The following COL11A1 variants were observed in gnomAD, a reference collection of about 807,000 sequenced individuals.
The protein encoded by COL11A1 is collagen alpha-1(XI) chain.
Under a neutral mutation model 265.2 loss-of-function variants are expected in COL11A1, and 74 were observed. The observed-to-expected ratio is 0.28, with a 90% CI of 0.23 to 0.34. The LOEUF (loss-of-function observed/expected upper bound fraction) is 0.34, where lower values mean the gene tolerates loss of function less well. Among genes scored for constraint, COL11A1 ranks in the 10% least tolerant of loss-of-function variants. The pLI, the probability that COL11A1 is intolerant of heterozygous loss-of-function variation, is 1.00. For synonymous variants in COL11A1, 816 were observed against 727.6 expected, an observed-to-expected ratio of 1.12 and a Z score of -1.96; for missense variants, 2,165 against 2,263.6, an observed-to-expected ratio of 0.96 and a Z score of 0.88.
chr1:102,923,395 A>C lies in COL11A1; in HGVS notation c.3601-6T>G. The C allele has an allele frequency of 1.3e-6, 2 of 1,586,348 alleles. No homozygotes were observed. The highest frequency in any genetic ancestry group is 1.1e-5 in the South Asian group (1 of 87,250). ...CCAGGTGGGCCTGGCAGACCCTAAG[A>C]AAATATAATAGAAAAATAATAAAAG... On this transcript the variant is annotated splice_region_variant and splice_polypyrimidine_tract_variant and intron_variant, in intron 46 of 66. Coordinates refer to ENST00000370096, the MANE Select transcript of COL11A1 (RefSeq NM_001854.4).
intron 4 of COL11A1, among the ~76,000 whole-genome samples, chr1:103,052,381 G>C (rs1290094699): frequency 6.6e-6 from 1 of 152,016 alleles, no homozygotes; most frequent in East Asian, 1.9e-4. Flanking sequence ...ACTAACCCAG[G>C]TCTCCTCCCA....
intron 7 of COL11A1, among the ~76,000 whole-genome samples, chr1:103,024,656 A>T (rs1251997047): frequency 6.6e-6 from 1 of 151,034 alleles, no homozygotes; most frequent in African/African-American, 2.4e-5. Context: ...TTGAATCAAA[A>T]TACTCATTTT....
chr1:103,070,209 A>AAATAAT (rs140020554), intron 4 of COL11A1, among the ~76,000 whole-genome samples: 9,892 of 143,322 alleles, frequency 0.069, 396 homozygotes, highest in Middle Eastern at 0.12. Context: ...CTACTCAGCA[A>AAATAAT]AATAATAATA....
At chr1:102,974,315 C>T (rs1259698124) in intron 36 of COL11A1, among the ~76,000 whole-genome samples, 2 of 152,086 alleles carry the variant, frequency 1.3e-5, no homozygotes, top group East Asian at 3.8e-4. Flanking sequence ...AAACACATTT[C>T]ATAAAAGGGT....
chr1:103,044,502 A>G (rs1669092291), intron 4 of COL11A1, among the ~76,000 whole-genome samples: 1 of 152,122 alleles, frequency 6.6e-6, no homozygotes, highest in Non-Finnish European at 1.5e-5. Flanking sequence ...GTTGGATAAA[A>G]CACTATGAAA....
intron 5 of COL11A1, among the ~76,000 whole-genome samples, chr1:103,027,752 G>C (rs1667657793): frequency 6.6e-6 from 1 of 151,862 alleles, no homozygotes; most frequent in South Asian, 2.1e-4. Flanking sequence ...ATAAGTAAAT[G>C]CATAAAGGGC....
chr1:102,990,976 C>T (rs985688480), intron 28 of COL11A1, among the ~76,000 whole-genome samples: 17 of 151,810 alleles, frequency 1.1e-4, no homozygotes, highest in Admixed American at 3.9e-4. Flanking sequence ...GAGGTTGCAG[C>T]GAACCAAGAT....
chr1:102,885,384 A>G (rs2100831712), intron 63 of COL11A1, among the ~76,000 whole-genome samples: 1 of 152,140 alleles, frequency 6.6e-6, no homozygotes, highest in Middle Eastern at 3.4e-3. Context: ...AAATATTTGA[A>G]TTATATAAGT....
At chr1:102,977,192 A>C (rs1236100057) in intron 35 of COL11A1, among the ~76,000 whole-genome samples, 1 of 152,166 alleles carries the variant, frequency 6.6e-6, no homozygotes, top group African/African-American at 2.4e-5. Flanking sequence ...CCATTTTTCA[A>C]CTGTGTGCTC....
intron 4 of COL11A1, among the ~76,000 whole-genome samples, chr1:103,049,622 G>A (rs1387248504): frequency 2.6e-5 from 4 of 152,142 alleles, no homozygotes; most frequent in Non-Finnish European, 5.9e-5. Flanking sequence ...ATCGTTATGT[G>A]TTAATTTGAT....
intron 41 of COL11A1, among the ~76,000 whole-genome samples, chr1:102,951,146 A>G (rs1336107802): frequency 6.6e-6 from 1 of 152,100 alleles, no homozygotes; most frequent in Non-Finnish European, 1.5e-5. Context: ...CATCTTACCA[A>G]AAAATTGTAT....
At chr1:102,977,647 C>T (rs941380043) in intron 35 of COL11A1, among the ~76,000 whole-genome samples, 2 of 152,038 alleles carry the variant, frequency 1.3e-5, no homozygotes, top group Non-Finnish European at 2.9e-5. Context: ...AATTATTTAG[C>T]CTTTTTAATT....
chr1:102,888,173 T>A (rs1651247691), intron 62 of COL11A1, among the ~76,000 whole-genome samples: 1 of 152,170 alleles, frequency 6.6e-6, no homozygotes. Context: ...ATTAATAAAG[T>A]GGTAGCTATT....
At chr1:103,056,929 T>G (rs1670296476) in intron 4 of COL11A1, among the ~76,000 whole-genome samples, 1 of 152,158 alleles carries the variant, frequency 6.6e-6, no homozygotes, top group Non-Finnish European at 1.5e-5. Flanking sequence ...CAAACTGTAA[T>G]ATTTTTGCTG....
rs557000127 is a variant in COL11A1 at position 103,078,663 on chromosome 1, G to T, written c.483C>A (p.Asp161Glu). 1 of 1,612,702 alleles carries T rather than the reference G, an allele frequency of 6.2e-7. No individual in the cohort carries two copies. The highest frequency in any genetic ancestry group is 1.7e-5 in the Admixed American group (1 of 59,848). ...YPLFRTVNIA[D>E]GKWHRVAISV... Reference sequence around the variant, plus strand: ...TGTATTATTTTGTTACTTACTTCCCGTCAGCGATGTTAACAGTTCTGAAGA... The same window carrying T: ...TGTATTATTTTGTTACTTACTTCCCTTCAGCGATGTTAACAGTTCTGAAGA... Residue 161 changes from aspartate to glutamate, a missense_variant, in exon 3 of 67, where the codon GAC becomes GAA. Physicochemically the swap from Asp to Glu is conservative, Grantham distance 45. Coordinates refer to ENST00000370096, the MANE Select transcript of COL11A1 (RefSeq NM_001854.4).
chr1:102,917,180 A>G (rs1385353393), intron 49 of COL11A1, among the ~76,000 whole-genome samples: 1 of 151,942 alleles, frequency 6.6e-6, no homozygotes, highest in Non-Finnish European at 1.5e-5. Context: ...TGTAGTAACT[A>G]AAAAAGCATA....
intron 4 of COL11A1, among the ~76,000 whole-genome samples, chr1:103,044,371 T>C (rs1669081331): frequency 6.6e-6 from 1 of 152,052 alleles, no homozygotes; most frequent in Non-Finnish European, 1.5e-5. Context: ...GCCCTTGTAT[T>C]GCGCAGAATC....
chr1:103,002,381 C>T, intron 23 of COL11A1, 47 bp downstream of exon 23: 2 of 1,458,510 alleles, frequency 1.4e-6, no homozygotes, highest in East Asian at 2.3e-5. Context: ...AGAAAGATAG[C>T]ATCTTCCCCC....
At chr1:103,014,974 T>A (rs1182559732) in intron 12 of COL11A1, among the ~76,000 whole-genome samples, 4 of 152,122 alleles carry the variant, frequency 2.6e-5, no homozygotes, top group Non-Finnish European at 5.9e-5. Flanking sequence ...GCTCAATCTC[T>A]ATTTTGTTTG....
Sources: allele counts gnomAD v4.1 joint callset (sites outside exome capture counted in the v4.1 genomes callset), GRCh38; gene constraint gnomAD v4.1.1; transcripts MANE v1.5; gene names NCBI Gene and HGNC (gene_info 2026-07-23, HGNC 2026-07-21).